Variants in SORBS2 observed in about 807,000 individuals in gnomAD.
The protein encoded by SORBS2 is sorbin and SH3 domain-containing protein 2.
SORBS2 carries 46 observed loss-of-function variants against 97.7 expected under a neutral mutation model. The observed-to-expected ratio is 0.47, with a 90% confidence interval of 0.37 to 0.60. SORBS2 has a LOEUF of 0.60. SORBS2 is among the 20% of genes least tolerant of loss of function. The pLI is 0.00. For synonymous variants in SORBS2, 476 were observed against 473.4 expected, an observed-to-expected ratio of 1.01 and a Z score of -0.07; for missense variants, 1,316 against 1,282.3, an observed-to-expected ratio of 1.03 and a Z score of -0.40.
In SORBS2 at chr4:185,799,335, G is replaced by T. The variant is rs540207047; in HGVS notation, c.-337-23969C>A. Among the ~76,000 whole-genome samples the T allele has an allele frequency of 3.9e-5, 6 of 152,312 alleles. No homozygotes were observed. In the South Asian group the frequency reaches 1.0e-3, roughly 26 times the overall value. On this transcript the variant is annotated intron_variant, in intron 1 of 20. Transcript: ENST00000284776. ...TTTTAGAGAACCTATTGATGCTGTT[G>T]TAACAGCTACAGAGAATCGTGAGAT...
chr4:185,788,981 A>G (rs1465687818), intron 1 of SORBS2, among the ~76,000 whole-genome samples: 1 of 152,226 alleles, frequency 6.6e-6, no homozygotes, highest in East Asian at 1.9e-4. Context: ...CTGGAAATTC[A>G]AGTACTAACA....
At chr4:185,745,141 T>C (rs1178487180) in intron 2 of SORBS2, among the ~76,000 whole-genome samples, 16 of 152,046 alleles carry the variant, frequency 1.1e-4, no homozygotes, top group Admixed American at 9.8e-4. Context: ...TACATCTCCA[T>C]TGCAGCGGGG....
intron 2 of SORBS2, chr4:185,773,038 T>C (rs540653928): frequency 1.4e-5 from 2 of 139,782 alleles, no homozygotes; most frequent in Admixed American, 1.5e-4. Flanking sequence ...AATTCAGGGG[T>C]GAAGAGAAAC....
intron 4 of SORBS2, among the ~76,000 whole-genome samples, chr4:185,638,568 T>C (rs2097066417): frequency 1.3e-5 from 2 of 151,956 alleles, no homozygotes; most frequent in Admixed American, 1.3e-4. Context: ...CACTTCATCG[T>C]CCCTGCCCTC....
At chr4:185,626,668 G>A (rs2096821143) in intron 6 of SORBS2, 164 bp downstream of exon 18, 1 of 692,688 alleles carries the variant, frequency 1.4e-6, no homozygotes, top group East Asian at 2.7e-5. Context: ...GCCAGCTTGA[G>A]TCAGTCTGGG....
At chr4:185,860,147 G>C (rs1310282323) in intron 1 of SORBS2, among the ~76,000 whole-genome samples, 1 of 152,152 alleles carries the variant, frequency 6.6e-6, no homozygotes, top group African/African-American at 2.4e-5. Flanking sequence ...TGAGCAAATG[G>C]AGATGGAGAA....
intron 2 of SORBS2, among the ~76,000 whole-genome samples, chr4:185,750,416 A>G (rs182530669): frequency 1.3e-5 from 2 of 152,328 alleles, no homozygotes; most frequent in East Asian, 3.9e-4. Flanking sequence ...CGTGGCTCCA[A>G]TCATAGGTGT....
At chr4:185,880,534 C>A (rs1434510899) in intron 1 of SORBS2, among the ~76,000 whole-genome samples, 2 of 152,138 alleles carry the variant, frequency 1.3e-5, no homozygotes, top group East Asian at 3.8e-4. Context: ...TACCTAAAGA[C>A]AAAGAATGTC....
At chr4:185,764,762 G>A (rs2098924439) in intron 2 of SORBS2, among the ~76,000 whole-genome samples, 1 of 152,096 alleles carries the variant, frequency 6.6e-6, no homozygotes, top group Admixed American at 6.5e-5. Context: ...TCGTTCAAAT[G>A]ATGAAGAGAA....
exon 7 of SORBS2, chr4:185,624,027 G>A: frequency 6.2e-7 from 1 of 1,614,214 alleles, no homozygotes; most frequent in Non-Finnish European, 8.5e-7. Flanking sequence ...GAGTTCATCA[G>A]GTCCTTGCGG....
At chr4:185,726,193 T>C (rs1471124522) in intron 2 of SORBS2, among the ~76,000 whole-genome samples, 1 of 152,194 alleles carries the variant, frequency 6.6e-6, no homozygotes, top group East Asian at 1.9e-4. Context: ...TAATTACTCT[T>C]AAAATTACAC....
At chr4:185,854,003 T>C (rs780405077) in intron 1 of SORBS2, among the ~76,000 whole-genome samples, 3 of 152,210 alleles carry the variant, frequency 2.0e-5, no homozygotes, top group Non-Finnish European at 4.4e-5. Context: ...AAATACTCCA[T>C]ACGTGAATCA....
At chr4:185,853,970 G>A (rs1302358399) in intron 1 of SORBS2, among the ~76,000 whole-genome samples, 3 of 152,224 alleles carry the variant, frequency 2.0e-5, no homozygotes, top group African/African-American at 7.2e-5. Context: ...AGGAGTCAGA[G>A]TTTAAGAATA....
chr4:185,763,342 C>G (rs1244812433), intron 2 of SORBS2, among the ~76,000 whole-genome samples: 2 of 152,186 alleles, frequency 1.3e-5, no homozygotes, highest in African/African-American at 4.8e-5. Flanking sequence ...GGACCAGAAG[C>G]TGAGGCTGAG....
chr4:185,614,337 A>G (rs1250383743), intron 11 of SORBS2, among the ~76,000 whole-genome samples: 1 of 151,944 alleles, frequency 6.6e-6, no homozygotes, highest in East Asian at 1.9e-4. Context: ...ATGAGGCCCA[A>G]AGAAGGATGA....
intron 4 of SORBS2, 35 bp downstream of exon 13, chr4:185,646,633 G>A (rs371202305): frequency 3.9e-4 from 529 of 1,346,144 alleles, no homozygotes; most frequent in Non-Finnish European, 4.8e-4. Context: ...GGAGCCCAGC[G>A]AGCTGGCATA....
chr4:185,763,439 C>A (rs560331659), intron 2 of SORBS2, among the ~76,000 whole-genome samples: 4 of 152,214 alleles, frequency 2.6e-5, no homozygotes, highest in South Asian at 2.1e-4. Flanking sequence ...CCCGACCCCC[C>A]ACCTCATCAC....
At chr4:185,689,858 C>A (rs1341814377) in intron 2 of SORBS2, among the ~76,000 whole-genome samples, 1 of 152,202 alleles carries the variant, frequency 6.6e-6, no homozygotes, top group Non-Finnish European at 1.5e-5. Context: ...CGTTTAAACA[C>A]AAGTTACAAA....
At chr4:185,800,363 C>T (rs1050301114) in intron 1 of SORBS2, among the ~76,000 whole-genome samples, 3 of 152,170 alleles carry the variant, frequency 2.0e-5, no homozygotes, top group Non-Finnish European at 2.9e-5. Context: ...CTTTCAGACC[C>T]AGCGTATGAA....
Sources: allele counts gnomAD v4.1 joint callset (sites outside exome capture counted in the v4.1 genomes callset), GRCh38; gene constraint gnomAD v4.1.1; transcripts MANE v1.5; gene names NCBI Gene and HGNC (gene_info 2026-07-23, HGNC 2026-07-21).